The following PTPRM variants were observed in gnomAD, a reference collection of about 807,000 sequenced individuals.
PTPRM encodes protein tyrosine phosphatase receptor type M.
In PTPRM, 47 loss-of-function variants were observed where a neutral mutation model predicts 186.7. That is an observed-to-expected ratio of 0.25 (90% CI 0.20 to 0.32). PTPRM has a LOEUF of 0.32. Among genes scored for constraint, PTPRM ranks in the 10% least tolerant of loss-of-function variants. The pLI is 1.00. For synonymous variants in PTPRM, 668 were observed against 674.9 expected, an observed-to-expected ratio of 0.99 and a Z score of 0.16; for missense variants, 1,494 against 1,865.0, an observed-to-expected ratio of 0.80 and a Z score of 3.66.
At chr18:8,243,084 A>G (rs1368933011) in intron 14 of PTPRM, among the ~76,000 whole-genome samples, 1 of 152,200 alleles carries the variant, frequency 6.6e-6, no homozygotes, top group Non-Finnish European at 1.5e-5. Flanking sequence ...GGTACACAAA[A>G]CAATCTCTGG....
chr18:7,934,089 C>G (rs1308036329), intron 5 of PTPRM, among the ~76,000 whole-genome samples: 1 of 152,050 alleles, frequency 6.6e-6, no homozygotes, highest in Non-Finnish European at 1.5e-5. Flanking sequence ...TTATTTTTTT[C>G]CATGATCCCC....
intron 5 of PTPRM, among the ~76,000 whole-genome samples, chr18:7,931,186 T>C (rs2051462152): frequency 6.6e-6 from 1 of 152,166 alleles, no homozygotes; most frequent in African/African-American, 2.4e-5. Context: ...CAGTGTGAGA[T>C]ACTAAAATTA....
intron 4 of PTPRM, among the ~76,000 whole-genome samples, chr18:7,911,764 CAA>C (rs58276856): frequency 0.45 from 67,748 of 150,342 alleles, 18,924 homozygotes; most frequent in African/African-American, 0.78. Context: ...CACTTAGATA[CAA>C]AACTATTTGG....
intron 22 of PTPRM, among the ~76,000 whole-genome samples, chr18:8,323,143 T>C (rs2095355910): frequency 6.6e-6 from 1 of 152,174 alleles, no homozygotes; most frequent in Non-Finnish European, 1.5e-5. Flanking sequence ...TTAGTTTTAA[T>C]TTTAAAACTT....
intron 1 of PTPRM, among the ~76,000 whole-genome samples, chr18:7,659,281 C>T (rs748143393): frequency 1.3e-5 from 2 of 152,142 alleles, no homozygotes; most frequent in Non-Finnish European, 2.9e-5. Flanking sequence ...TCCCTCTGCT[C>T]TGTATTCTCT....
intron 14 of PTPRM, among the ~76,000 whole-genome samples, chr18:8,163,597 A>T (rs577693108): frequency 8.7e-4 from 132 of 152,288 alleles, no homozygotes; most frequent in African/African-American, 3.1e-3. Context: ...TTTCACTTTT[A>T]TGATCAACAC....
intron 24 of PTPRM, among the ~76,000 whole-genome samples, chr18:8,372,742 A>AGGATTTTT (rs2095670988): frequency 6.6e-6 from 1 of 150,788 alleles, no homozygotes; most frequent in Admixed American, 6.6e-5. Flanking sequence ...AAACACATGG[A>AGGATTTTT]GGATTTTTGT....
chr18:8,043,203 A>G (rs1466407479), intron 7 of PTPRM, among the ~76,000 whole-genome samples: 9 of 152,102 alleles, frequency 5.9e-5, no homozygotes, highest in Non-Finnish European at 5.9e-5. Flanking sequence ...ATCCTAACTT[A>G]TTAGCCCTAC....
intron 5 of PTPRM, among the ~76,000 whole-genome samples, chr18:7,937,764 G>A (rs1278290999): frequency 6.6e-6 from 1 of 152,196 alleles, no homozygotes; most frequent in African/African-American, 2.4e-5. Flanking sequence ...AGTGACCAAG[G>A]TAGTTATAAT....
chr18:8,160,544 G>A (rs144447899), intron 14 of PTPRM, among the ~76,000 whole-genome samples: 1,746 of 152,218 alleles, frequency 0.011, 31 homozygotes, highest in African/African-American at 0.039. Flanking sequence ...ATCCTCCTGC[G>A]TAAGCCTCCC....
At chr18:7,882,484 A>T (rs1276697828) in intron 2 of PTPRM, among the ~76,000 whole-genome samples, 1 of 152,174 alleles carries the variant, frequency 6.6e-6, no homozygotes. Flanking sequence ...ACTTGTTAAC[A>T]TTTTGTTTGC....
chr18:8,082,586 C>G (rs2090192913), intron 9 of PTPRM, among the ~76,000 whole-genome samples: 1 of 148,756 alleles, frequency 6.7e-6, no homozygotes, highest in South Asian at 2.2e-4. Flanking sequence ...ACAGCTTTCT[C>G]TCCTTTGGCT....
chr18:8,076,825 TA>T (rs2089848577), intron 9 of PTPRM, among the ~76,000 whole-genome samples: 2 of 152,116 alleles, frequency 1.3e-5, no homozygotes, highest in South Asian at 4.1e-4. Context: ...GCATTACATT[TA>T]AAAATTACCT....
intron 5 of PTPRM, among the ~76,000 whole-genome samples, chr18:7,931,243 T>G (rs943558096): frequency 5.4e-4 from 2 of 3,728 alleles, no homozygotes; most frequent in African/African-American, 8.8e-3. Context: ...TTACTGTAAT[T>G]TTTTGCTATC....
chr18:8,111,573 A>G (rs1025311975), intron 11 of PTPRM, among the ~76,000 whole-genome samples: 1 of 151,924 alleles, frequency 6.6e-6, no homozygotes, highest in Non-Finnish European at 1.5e-5. Flanking sequence ...AGATCGTGCC[A>G]CTGCACTCCA....
intron 10 of PTPRM, among the ~76,000 whole-genome samples, chr18:8,087,029 A>G (rs2090468147): frequency 1.3e-5 from 2 of 152,100 alleles, no homozygotes; most frequent in Admixed American, 1.3e-4. Flanking sequence ...TGGTAGAAGA[A>G]AGACCACTGG....
chr18:7,842,802 A>T (rs2046386720), intron 2 of PTPRM, among the ~76,000 whole-genome samples: 1 of 139,214 alleles, frequency 7.2e-6, no homozygotes, highest in Non-Finnish European at 1.5e-5. Flanking sequence ...ACATATGTTT[A>T]TGTGTGTGTG....
At chr18:8,264,019 G>A (rs1373920528) in intron 19 of PTPRM, among the ~76,000 whole-genome samples, 1 of 152,168 alleles carries the variant, frequency 6.6e-6, no homozygotes, top group Non-Finnish European at 1.5e-5. Context: ...ATCTGAAGCG[G>A]GGGGTTGCCA....
At chr18:7,863,274 A>T (rs1005872304) in intron 2 of PTPRM, among the ~76,000 whole-genome samples, 1 of 152,150 alleles carries the variant, frequency 6.6e-6, no homozygotes, top group Non-Finnish European at 1.5e-5. Flanking sequence ...ACATAGGTAT[A>T]CACATGCCAT....
Sources: allele counts gnomAD v4.1 joint callset (sites outside exome capture counted in the v4.1 genomes callset), GRCh38; gene constraint gnomAD v4.1.1; transcripts MANE v1.5; gene names NCBI Gene and HGNC (gene_info 2026-07-23, HGNC 2026-07-21).